CNTN5: variants seen among roughly 807,000 people sequenced by gnomAD.
The protein encoded by CNTN5 is contactin 5.
A neutral mutation model predicts 129.1 loss-of-function variants in CNTN5; 77 were observed. The ratio of observed to expected loss-of-function variants is 0.60; its 90% confidence interval spans 0.50 to 0.72. The LOEUF (loss-of-function observed/expected upper bound fraction) is 0.72, where lower values mean the gene tolerates loss of function less well. Among genes scored for constraint, CNTN5 ranks in the 30% least tolerant of loss-of-function variants. The probability of loss-of-function intolerance (pLI) is 0.00; values close to 1 mark genes in which losing one functional copy is unlikely to be tolerated. For missense variants in CNTN5, 1,478 were observed against 1,328.8 expected (o/e 1.11, Z -1.75); for synonymous variants, 509 against 465.6 (o/e 1.09, Z -1.20).
intron 1 of CNTN5, among the ~76,000 whole-genome samples, chr11:99,198,776 T>C (rs1017608431): frequency 6.6e-6 from 1 of 152,102 alleles, no homozygotes; most frequent in African/African-American, 2.4e-5. Flanking sequence ...AGGGAGACTT[T>C]TTGTTTTGTT....
chr11:99,338,203 A>G (rs1866325771), intron 2 of CNTN5, among the ~76,000 whole-genome samples: 1 of 152,208 alleles, frequency 6.6e-6, no homozygotes. Flanking sequence ...ATTCAATAAT[A>G]TCTACTCATT....
At chr11:99,780,424 CATT>C (rs1335555527) in intron 3 of CNTN5, among the ~76,000 whole-genome samples, 2 of 151,894 alleles carry the variant, frequency 1.3e-5, no homozygotes, top group African/African-American at 2.4e-5. Flanking sequence ...AAAGAAAAGA[CATT>C]ATAACGACAC....
chr11:99,430,289 AC>A (rs1408731726), intron 2 of CNTN5, among the ~76,000 whole-genome samples: 3 of 152,018 alleles, frequency 2.0e-5, no homozygotes, highest in Non-Finnish European at 2.9e-5. Context: ...GTTTAAAAAA[AC>A]GAAAGGTTTC....
chr11:99,139,217 AGAGTGTACC>A (rs1359321533), intron 1 of CNTN5, among the ~76,000 whole-genome samples: 2 of 151,348 alleles, frequency 1.3e-5, no homozygotes, highest in African/African-American at 2.4e-5. Flanking sequence ...CAGTGAGCTT[AGAGTGTACC>A]ACTGCACTTC....
chr11:100,277,663 GT>G (rs532236702), intron 18 of CNTN5, among the ~76,000 whole-genome samples: 4 of 151,538 alleles, frequency 2.6e-5, no homozygotes, highest in South Asian at 4.2e-4. Context: ...TATGAATTGG[GT>G]TTTTTTTATT....
intron 6 of CNTN5, among the ~76,000 whole-genome samples, chr11:99,909,513 T>C (rs535862774): frequency 9.2e-5 from 14 of 152,110 alleles, no homozygotes; most frequent in Non-Finnish European, 1.9e-4. Context: ...TATACACACG[T>C]TATGTTTATT....
chr11:99,947,842 T>G (rs1396394369), intron 7 of CNTN5, among the ~76,000 whole-genome samples: 1 of 152,182 alleles, frequency 6.6e-6, no homozygotes, highest in Non-Finnish European at 1.5e-5. Context: ...TAACATGAAA[T>G]TAAAAGAAGT....
At chr11:99,429,929 T>C (rs893308708) in intron 2 of CNTN5, among the ~76,000 whole-genome samples, 1 of 145,628 alleles carries the variant, frequency 6.9e-6, no homozygotes, top group Non-Finnish European at 1.5e-5. Context: ...ACACAGACCA[T>C]GGTAAAAAAA....
intron 3 of CNTN5, among the ~76,000 whole-genome samples, chr11:99,782,027 A>G (rs866998302): frequency 6.6e-6 from 1 of 151,060 alleles, no homozygotes; most frequent in Non-Finnish European, 1.5e-5. Context: ...GGAAAAGAGG[A>G]AGTCAAATTG....
intron 3 of CNTN5, among the ~76,000 whole-genome samples, chr11:99,601,969 T>G (rs545166559): frequency 2.0e-5 from 3 of 152,314 alleles, no homozygotes; most frequent in African/African-American, 7.2e-5. Context: ...TTTACCTATA[T>G]ACTATATATA....
intron 9 of CNTN5, among the ~76,000 whole-genome samples, chr11:100,049,195 C>A (rs1193236506): frequency 6.6e-6 from 1 of 151,888 alleles, no homozygotes; most frequent in African/African-American, 2.4e-5. Flanking sequence ...CTAAAATTTT[C>A]TATTTCCACT....
At chr11:99,834,998 A>G (rs1264654328) in intron 4 of CNTN5, among the ~76,000 whole-genome samples, 2 of 152,132 alleles carry the variant, frequency 1.3e-5, no homozygotes, top group African/African-American at 4.8e-5. Context: ...TTATATGTCT[A>G]CCTTCCATGT....
chr11:99,328,140 T>C (rs1002831964), intron 2 of CNTN5, among the ~76,000 whole-genome samples: 4 of 152,184 alleles, frequency 2.6e-5, no homozygotes, highest in African/African-American at 9.6e-5. Context: ...ACACAGAAAT[T>C]TGAAGAGAAA....
At position 99,608,080 on chromosome 11, in the gene CNTN5, C is replaced by A. The variant is rs185443045; in HGVS notation, c.55+51811C>A. 3.6e-3 allele frequency among the ~76,000 whole-genome samples: 366 copies of A among 101,446 alleles called. 4 individuals carry two copies. Among genetic ancestry groups the A allele is most frequent in the African/African-American group, 0.013 (350 of 26,210 alleles). The allele number at this position is 101,446 out of a possible 152,430, so 66.6% of individuals were successfully genotyped here. A position where few individuals can be genotyped will look rare whatever the true frequency, so the allele number is the denominator to read the frequency against. On this transcript the variant is annotated intron_variant, in intron 3 of 24. Transcript: ENST00000524871. ...CTAACCTGCACAATGTGCACATGTA[C>A]CCTAAAACTTAGAGTATAATAAAAA...
intron 6 of CNTN5, among the ~76,000 whole-genome samples, chr11:99,853,219 T>C (rs1947929317): frequency 6.6e-6 from 1 of 152,096 alleles, no homozygotes; most frequent in Non-Finnish European, 1.5e-5. Flanking sequence ...ACAACAATTA[T>C]TATGCATTGA....
chr11:100,250,099 C>T (rs548848473), intron 16 of CNTN5, among the ~76,000 whole-genome samples: 12 of 152,082 alleles, frequency 7.9e-5, no homozygotes, highest in South Asian at 6.2e-4. Flanking sequence ...GAGGCTATAA[C>T]GCTCTCAGTT....
chr11:100,020,885 T>A (rs1359456999), intron 9 of CNTN5, among the ~76,000 whole-genome samples: 5 of 151,980 alleles, frequency 3.3e-5, no homozygotes, highest in Admixed American at 3.3e-4. Context: ...GTTTGTACAC[T>A]GAAAACTATA....
intron 1 of CNTN5, among the ~76,000 whole-genome samples, chr11:99,235,019 A>T (rs1244710734): frequency 6.7e-6 from 1 of 148,390 alleles, no homozygotes; most frequent in Non-Finnish European, 1.5e-5. Context: ...GCCTTTTTAT[A>T]ACACAAAGGA....
chr11:99,159,583 C>G (rs1421246546), intron 1 of CNTN5, among the ~76,000 whole-genome samples: 1 of 152,140 alleles, frequency 6.6e-6, no homozygotes, highest in Non-Finnish European at 1.5e-5. Context: ...GATTGCACCA[C>G]TGCACTCCAG....
Sources: allele counts gnomAD v4.1 joint callset (sites outside exome capture counted in the v4.1 genomes callset), GRCh38; gene constraint gnomAD v4.1.1; transcripts MANE v1.5; gene names NCBI Gene and HGNC (gene_info 2026-07-23, HGNC 2026-07-21).